Variants in DOCK7 observed in about 807,000 individuals in gnomAD.
DOCK7 encodes dedicator of cytokinesis protein 7.
A neutral mutation model predicts 271.0 loss-of-function variants in DOCK7; 138 were observed. That is an observed-to-expected ratio of 0.51 (90% CI 0.44 to 0.59). The LOEUF is 0.59. Among genes scored for constraint, DOCK7 ranks in the 20% least tolerant of loss-of-function variants. The pLI is 0.00. For missense variants in DOCK7, 2,066 were observed against 2,592.4 expected, an observed-to-expected ratio of 0.80 and a Z score of 4.41; for synonymous variants, 823 against 876.1, an observed-to-expected ratio of 0.94 and a Z score of 1.07.
chr1:62,509,997 C>T (rs986242409), intron 34 of DOCK7, among the ~76,000 whole-genome samples: 2 of 152,098 alleles, frequency 1.3e-5, no homozygotes, highest in Non-Finnish European at 2.9e-5. Context: ...AAGCTACTTG[C>T]GGGCTAACTT....
chr1:62,465,588 G>A (rs1470610952), intron 48 of DOCK7, among the ~76,000 whole-genome samples: 5 of 152,118 alleles, frequency 3.3e-5, no homozygotes, highest in African/African-American at 1.2e-4. Context: ...GTCTTGCTCT[G>A]TTACCCAGGC....
chr1:62,663,181 A>T, intron 1 of DOCK7, 51 bp from the exon 2 acceptor site: 1 of 1,338,120 alleles, frequency 7.5e-7, no homozygotes, highest in Non-Finnish European at 1.0e-6. Flanking sequence ...AAAAAAAACT[A>T]AACTAGTTTA....
At position 62,648,504 on chromosome 1, in the gene DOCK7, C is replaced by A; in HGVS notation, c.430G>T (p.Asp144Tyr). ...CCTTTTTGCCTTTCTTTCTGTTTAT[C>A]TAATGTATTGGGATTAAATCCTGTT... is the stretch of plus-strand genomic sequence containing the variant. ...LGTGFNPNTL[D>Y]KQKERQKGLP... is the part of the protein sequence containing the mutation. Residue 144 changes from aspartate to tyrosine, a missense_variant, in exon 5 of 50, where the codon GAT becomes TAT. Around this residue, in one of 2 missense-constraint regions of DOCK7, gnomAD observed 1,414 missense variants for 1,670.4 expected, o/e 0.85. Transcript: ENST00000635253. The A allele has an allele frequency of 6.8e-7, 1 of 1,479,200 alleles. No homozygotes were observed. Among genetic ancestry groups the A allele is most frequent in the South Asian group, 1.4e-5 (1 of 73,432 alleles). 91.6% of individuals were successfully genotyped at this position (1,479,200 alleles called of 1,614,324 possible). A position where few individuals can be genotyped will look rare whatever the true frequency, so the allele number is the denominator to read the frequency against.
intron 29 of DOCK7, among the ~76,000 whole-genome samples, chr1:62,531,360 A>G (rs1259892208): frequency 2.0e-5 from 3 of 152,246 alleles, no homozygotes; most frequent in African/African-American, 7.2e-5. Context: ...TATTAATACA[A>G]GATCTGTAAT....
chr1:62,624,590 T>C (rs934772911), intron 12 of DOCK7, among the ~76,000 whole-genome samples: 2 of 152,128 alleles, frequency 1.3e-5, no homozygotes, highest in African/African-American at 4.8e-5. Context: ...CCAGAAATAC[T>C]TGTGTGGGGA....
intron 33 of DOCK7, among the ~76,000 whole-genome samples, chr1:62,511,688 T>C (rs1479421479): frequency 6.6e-6 from 1 of 152,102 alleles, no homozygotes; most frequent in African/African-American, 2.4e-5. Context: ...TTCTTTCCCT[T>C]TTCTTTCCTT....
chr1:62,674,404 T>C (rs536004656), intron 1 of DOCK7, among the ~76,000 whole-genome samples: 7 of 152,282 alleles, frequency 4.6e-5, no homozygotes, highest in African/African-American at 1.2e-4. Flanking sequence ...GCAATCTCTA[T>C]CAAAATCCCA....
intron 14 of DOCK7, among the ~76,000 whole-genome samples, chr1:62,591,538 A>G (rs2149511748): frequency 6.6e-6 from 1 of 152,250 alleles, no homozygotes; most frequent in African/African-American, 2.4e-5. Context: ...AAAAATAATA[A>G]AAGAAAAGAA....
intron 31 of DOCK7, among the ~76,000 whole-genome samples, chr1:62,525,687 G>T (rs1644985790): frequency 6.6e-6 from 1 of 152,126 alleles, no homozygotes; most frequent in African/African-American, 2.4e-5. Context: ...ATATGCTGCT[G>T]TTTATTTTAT....
chr1:62,530,280 A>G (rs1297881835), intron 29 of DOCK7, among the ~76,000 whole-genome samples: 3 of 152,144 alleles, frequency 2.0e-5, no homozygotes, highest in African/African-American at 2.4e-5. Flanking sequence ...TTTTAACACA[A>G]TTCCATCTTT....
intron 1 of DOCK7, among the ~76,000 whole-genome samples, chr1:62,678,611 C>A (rs1171266339): frequency 1.3e-5 from 2 of 152,106 alleles, no homozygotes; most frequent in Non-Finnish European, 2.9e-5. Context: ...CAATCAAATT[C>A]TATGAGTTTT....
intron 18 of DOCK7, among the ~76,000 whole-genome samples, chr1:62,563,096 T>C (rs1646384249): frequency 1.3e-5 from 2 of 152,020 alleles, no homozygotes; most frequent in African/African-American, 4.8e-5. Flanking sequence ...AGTAACAAGG[T>C]GCCCCCCTCC....
intron 14 of DOCK7, 69 bp from the exon 15 acceptor site, chr1:62,586,693 AC>A: frequency 1.1e-6 from 1 of 920,308 alleles, no homozygotes; most frequent in Non-Finnish European, 1.6e-6. Context: ...CTCACAAAAT[AC>A]CACAAAATAA....
chr1:62,486,764 T>C (rs1174782210), intron 43 of DOCK7: 1 of 152,134 alleles, frequency 6.6e-6, no homozygotes, highest in African/African-American at 2.4e-5. Context: ...AGTGAATTTC[T>C]TTCCTCAGTA....
intron 31 of DOCK7, among the ~76,000 whole-genome samples, chr1:62,523,353 T>C (rs1430822603): frequency 3.9e-5 from 6 of 152,046 alleles, no homozygotes; most frequent in Non-Finnish European, 1.5e-5. Context: ...TGGCATAATA[T>C]GCAATATAAA....
At chr1:62,475,670 T>C (rs1273838740) in intron 46 of DOCK7, 37 bp downstream of exon 46, 2 of 1,565,590 alleles carry the variant, frequency 1.3e-6, no homozygotes, top group African/African-American at 1.4e-5. Context: ...TGAATGTATT[T>C]GCTTCACTAA....
At chr1:62,526,956 G>A (rs533886027) in intron 31 of DOCK7, among the ~76,000 whole-genome samples, 13 of 152,204 alleles carry the variant, frequency 8.5e-5, no homozygotes, top group South Asian at 6.2e-4. Flanking sequence ...TCTTTTCAGC[G>A]TATTGGAAAT....
chr1:62,463,850 A>G (rs1413385762), intron 48 of DOCK7, among the ~76,000 whole-genome samples: 1 of 152,224 alleles, frequency 6.6e-6, no homozygotes. Flanking sequence ...ATAAATAAAC[A>G]TAGGGAGGGG....
intron 43 of DOCK7, chr1:62,485,442 T>C (rs1435429325): frequency 2.0e-6 from 2 of 985,212 alleles, no homozygotes; most frequent in African/African-American, 3.5e-5. Flanking sequence ...GTGACTAATA[T>C]ATAAGCCCAG....
Sources: gnomAD v4.1 joint callset for allele counts (sites outside exome capture counted in the v4.1 genomes callset) on GRCh38, gnomAD v4.1.1 for gene constraint, gnomAD v4.1.1 regional missense constraint, MANE v1.5 for transcripts, NCBI Gene and HGNC (gene_info 2026-07-23, HGNC 2026-07-21) for gene names.